The following LRBA variants were observed in gnomAD, a reference collection of about 807,000 sequenced individuals.
LRBA encodes LPS responsive beige-like anchor protein.
A neutral mutation model predicts 330.0 loss-of-function variants in LRBA; 176 were observed. The observed-to-expected ratio is 0.53, with a 90% CI of 0.47 to 0.60. LRBA has a LOEUF of 0.60. Among genes scored for constraint, LRBA ranks in the 20% least tolerant of loss-of-function variants. The probability of loss-of-function intolerance (pLI) is 0.00; values close to 1 mark genes in which losing one functional copy is unlikely to be tolerated. For synonymous variants in LRBA, 1,230 were observed against 1,193.0 expected (o/e 1.03, Z -0.64); for missense variants, 3,259 against 3,444.8 (o/e 0.95, Z 1.35).
intron 34 of LRBA, among the ~76,000 whole-genome samples, chr4:150,767,260 A>G (rs1015149015): frequency 1.3e-5 from 2 of 152,200 alleles, no homozygotes; most frequent in African/African-American, 4.8e-5. Flanking sequence ...AATCTCCTAG[A>G]ACGTATTTTA....
intron 37 of LRBA, among the ~76,000 whole-genome samples, chr4:150,655,526 C>T (rs986551259): frequency 6.6e-6 from 1 of 152,162 alleles, no homozygotes; most frequent in African/African-American, 2.4e-5. Context: ...TTGGTAGATA[C>T]TGCTAAATTG....
chr4:150,731,346 T>C (rs1730430599), intron 36 of LRBA, among the ~76,000 whole-genome samples: 1 of 152,216 alleles, frequency 6.6e-6, no homozygotes, highest in African/African-American at 2.4e-5. Context: ...ACTCTCATGT[T>C]TGTTGCAGCA....
intron 37 of LRBA, among the ~76,000 whole-genome samples, chr4:150,656,723 T>C (rs1780224281): frequency 1.3e-5 from 2 of 152,200 alleles, no homozygotes; most frequent in African/African-American, 4.8e-5. Flanking sequence ...TATACTAAAA[T>C]GTAAGACCCA....
chr4:150,834,044 G>A (rs143057729), intron 28 of LRBA, among the ~76,000 whole-genome samples: 1 of 152,220 alleles, frequency 6.6e-6, no homozygotes, highest in East Asian at 1.9e-4. Context: ...GACATTGTAG[G>A]AATTCAATCA....
chr4:150,866,837 A>T (rs972917884), intron 22 of LRBA, among the ~76,000 whole-genome samples: 1 of 152,174 alleles, frequency 6.6e-6, no homozygotes, highest in Non-Finnish European at 1.5e-5. Context: ...TAACAAAAAA[A>T]TGCATTCAGT....
chr4:150,992,042 G>A lies in LRBA; in HGVS notation c.216+22385C>T, dbSNP rs150420538. Among the ~76,000 whole-genome samples, 6 of 152,286 alleles carry A rather than the reference G, an allele frequency of 3.9e-5. No homozygotes were observed. The East Asian group carries it at 7.7e-4, about 20-fold the overall frequency. ...TGTCTTAAAAGTAACAAGGCTGGGC[G>A]CAGTGGCTCATGCCTGTAATCACAG... On this transcript the variant is annotated intron_variant, in intron 2 of 56. Transcript: ENST00000651943.
In LRBA at chr4:150,321,266, C is replaced by G. The variant is rs763673937; in HGVS notation, c.7555G>C (p.Gly2519Arg). Residue 2519 changes from glycine to arginine, a missense_variant, in exon 50 of 57, where the codon GGT becomes CGT. Transcript: ENST00000651943. The surrounding 1 kb of genome is among the most constrained non-coding windows in gnomAD (Gnocchi z 4.5). ...VTHVAANTQP[G>R]LATPAVITVT... Reference sequence around the variant, plus strand: ...GTGATCACAGCGGGAGTTGCCAAACCAGGCTGGGTGTTGGCTGCCACGTGA... The same window carrying G: ...GTGATCACAGCGGGAGTTGCCAAACGAGGCTGGGTGTTGGCTGCCACGTGA... 6.2e-7 allele frequency: 1 copy of G among 1,612,192 alleles called. No homozygotes were observed. The highest frequency in any genetic ancestry group is 1.3e-5 in the African/African-American group (1 of 74,762).
At chr4:150,346,757 C>CCAAAAAAAAAAAAAAAAA (rs1206950764) in intron 48 of LRBA, among the ~76,000 whole-genome samples, 5 of 66,136 alleles carry the variant, frequency 7.6e-5, no homozygotes, top group African/African-American at 3.9e-4. Context: ...GACTCTGTCT[C>CCAAAAAAAAAAAAAAAAA]AAAAAAAAAA....
At chr4:150,984,617 A>G (rs940365842) in intron 2 of LRBA, among the ~76,000 whole-genome samples, 1 of 152,234 alleles carries the variant, frequency 6.6e-6, no homozygotes, top group Non-Finnish European at 1.5e-5. Flanking sequence ...TTAAAAGGTA[A>G]TCTGCTACAA....
intron 40 of LRBA, among the ~76,000 whole-genome samples, chr4:150,557,933 T>G (rs1767543853): frequency 6.6e-6 from 1 of 152,166 alleles, no homozygotes; most frequent in South Asian, 2.1e-4. Flanking sequence ...AGTCTCACTC[T>G]GTCACCCAGG....
chr4:150,307,219 A>T (rs1580965948), intron 52 of LRBA, among the ~76,000 whole-genome samples: 1 of 152,048 alleles, frequency 6.6e-6, no homozygotes, highest in African/African-American at 2.4e-5. Flanking sequence ...ATTCTGAAAA[A>T]GGCACAACTA....
At chr4:150,740,902 G>A (rs764588357) in intron 35 of LRBA, among the ~76,000 whole-genome samples, 2 of 152,112 alleles carry the variant, frequency 1.3e-5, no homozygotes, top group Middle Eastern at 6.8e-3. Context: ...GATATTAAAA[G>A]ACTTATAAGT....
At chr4:150,838,582 T>C (rs1246626978) in intron 28 of LRBA, among the ~76,000 whole-genome samples, 6 of 152,242 alleles carry the variant, frequency 3.9e-5, no homozygotes, top group African/African-American at 7.2e-5. Flanking sequence ...GTTGATCAAA[T>C]TGGCTACTGA....
intron 28 of LRBA, among the ~76,000 whole-genome samples, chr4:150,839,699 G>T (rs529447400): frequency 1.3e-5 from 2 of 152,246 alleles, no homozygotes; most frequent in Admixed American, 1.3e-4. Flanking sequence ...AGAACACTTG[G>T]ACACAGGAAG....
At chr4:150,961,927 A>T (rs1397690261) in intron 2 of LRBA, among the ~76,000 whole-genome samples, 1 of 149,254 alleles carries the variant, frequency 6.7e-6, no homozygotes, top group Non-Finnish European at 1.5e-5. Context: ...AGATAGGTAC[A>T]ATTATTGTAT....
At chr4:150,598,981 T>G in intron 38 of LRBA, 26 bp downstream of exon 38, 1 of 1,612,856 alleles carries the variant, frequency 6.2e-7, no homozygotes, top group Non-Finnish European at 8.5e-7. Context: ...CTGCTGCTAT[T>G]GGCAAGGAAT....
At chr4:150,802,613 G>C (rs1741829435) in intron 33 of LRBA, among the ~76,000 whole-genome samples, 1 of 151,744 alleles carries the variant, frequency 6.6e-6, no homozygotes, top group African/African-American at 2.4e-5. Context: ...TGAAAAAGAG[G>C]GTTAATTAAC....
intron 36 of LRBA, among the ~76,000 whole-genome samples, chr4:150,717,651 C>T (rs1452931826): frequency 3.3e-5 from 2 of 60,414 alleles, no homozygotes; most frequent in Admixed American, 1.8e-4. Context: ...CATAGTGAGA[C>T]TCTGTCTCAA....
intron 31 of LRBA, among the ~76,000 whole-genome samples, chr4:150,811,191 T>C (rs1743669040): frequency 6.6e-6 from 1 of 152,226 alleles, no homozygotes; most frequent in Admixed American, 6.5e-5. Context: ...TGAATCACAG[T>C]GGGTCATTGA....
Sources: allele counts gnomAD v4.1 joint callset (sites outside exome capture counted in the v4.1 genomes callset), GRCh38; gene constraint gnomAD v4.1.1; non-coding constraint Gnocchi (gnomAD v3.1); transcripts MANE v1.5; gene names NCBI Gene and HGNC (gene_info 2026-07-23, HGNC 2026-07-21).